CREB3L1: variants seen among roughly 807,000 people sequenced by gnomAD.
CREB3L1 encodes cyclic AMP-responsive element-binding protein 3-like protein 1.
In CREB3L1, 33 loss-of-function variants were observed where a neutral mutation model predicts 54.5. The observed-to-expected ratio is 0.61, with a 90% CI of 0.46 to 0.81. The LOEUF is 0.81. CREB3L1 is among the 30% of genes least tolerant of loss of function. The pLI, the probability that CREB3L1 is intolerant of heterozygous loss-of-function variation, is 0.00. For synonymous variants in CREB3L1, 284 were observed against 286.4 expected, an observed-to-expected ratio of 0.99 and a Z score of 0.08; for missense variants, 656 against 673.3, an observed-to-expected ratio of 0.97 and a Z score of 0.29.
intron 1 of CREB3L1, among the ~76,000 whole-genome samples, chr11:46,299,373 A>T (rs1298941854): frequency 2.0e-5 from 3 of 152,168 alleles, no homozygotes. Context: ...ACAGATGGAC[A>T]CTGTGCTGCT....
chr11:46,307,054 T>C (rs1353103142), intron 2 of CREB3L1, among the ~76,000 whole-genome samples: 1 of 152,126 alleles, frequency 6.6e-6, no homozygotes, highest in Non-Finnish European at 1.5e-5. Context: ...AATTTTTGTA[T>C]TTTTAGTAGA....
chr11:46,290,174 C>T (rs570884411), intron 1 of CREB3L1, among the ~76,000 whole-genome samples: 82 of 152,260 alleles, frequency 5.4e-4, no homozygotes, highest in East Asian at 5.8e-4. Flanking sequence ...AAGGCAACTC[C>T]GCCCTTGCAA....
chr11:46,316,231 G>A (rs1004036939), intron 8 of CREB3L1, 55 bp from the exon 9 acceptor site: 1 of 1,154,506 alleles, frequency 8.7e-7, no homozygotes, highest in Non-Finnish European at 1.3e-6. Flanking sequence ...AGCTCCAGGA[G>A]GCAGAGATGC....
At chr11:46,285,351 A>C (rs553906378) in intron 1 of CREB3L1, among the ~76,000 whole-genome samples, 2 of 152,112 alleles carry the variant, frequency 1.3e-5, no homozygotes, top group East Asian at 3.9e-4. Flanking sequence ...TTAAGTCAAG[A>C]CTGTGAGCTG....
intron 8 of CREB3L1, chr11:46,315,167 C>T (rs1175202140): frequency 6.2e-6 from 2 of 320,030 alleles, no homozygotes; most frequent in Admixed American, 3.7e-5. Context: ...TCCTTCTCCC[C>T]CAGCTTCTCC....
chr11:46,279,261 G>T (rs1253197880), intron 1 of CREB3L1, among the ~76,000 whole-genome samples: 1 of 152,036 alleles, frequency 6.6e-6, no homozygotes, highest in East Asian at 1.9e-4. Flanking sequence ...ACTTGGCCAG[G>T]CAAGAGTCAA....
chr11:46,310,125 C>T, intron 4 of CREB3L1, 58 bp downstream of exon 4: 2 of 1,298,560 alleles, frequency 1.5e-6, no homozygotes, highest in Admixed American at 4.0e-5. Context: ...GATAGCATCC[C>T]CACTTCCTTG....
rs1444425596 is a variant in CREB3L1 at position 46,312,981 on chromosome 11, T to C, written c.1031+62T>C. ...CCCCTCTGCAACCCGTGCCTGGCTC[T>C]GCATAGCTCTGGGAGACAGGGGAGA... is the stretch of plus-strand genomic sequence containing the variant. On this transcript the variant is annotated intron_variant, in intron 8 of 11. Transcript: ENST00000621158. The C allele has an allele frequency of 2.4e-6, 3 of 1,256,484 alleles. No individual in the cohort carries two copies. In the African/African-American group the frequency reaches 4.5e-5, roughly 19 times the overall value. The allele number at this position is 1,256,484 out of a possible 1,614,324, so 77.8% of individuals were successfully genotyped here.
intron 4 of CREB3L1, 51 bp downstream of exon 4, chr11:46,310,118 A>G: frequency 7.4e-7 from 1 of 1,346,588 alleles, no homozygotes; most frequent in Non-Finnish European, 1.0e-6. Context: ...ATAGGCAGAT[A>G]GCATCCCCAC....
At chr11:46,279,520 G>A (rs1164687337) in intron 1 of CREB3L1, among the ~76,000 whole-genome samples, 2 of 152,224 alleles carry the variant, frequency 1.3e-5, no homozygotes, top group African/African-American at 4.8e-5. Flanking sequence ...TGCATTGACT[G>A]CAGCGAGACT....
chr11:46,299,423 C>A (rs1939259909), intron 1 of CREB3L1, among the ~76,000 whole-genome samples: 1 of 152,226 alleles, frequency 6.6e-6, no homozygotes, highest in Admixed American at 6.5e-5. Flanking sequence ...TGCCCTGCAT[C>A]ACTCCCTTCC....
At chr11:46,280,790 T>A (rs914630161) in intron 1 of CREB3L1, among the ~76,000 whole-genome samples, 3 of 152,124 alleles carry the variant, frequency 2.0e-5, no homozygotes, top group Non-Finnish European at 4.4e-5. Flanking sequence ...TTCCCCCAAC[T>A]TCTTCATTCT....
rs562006016 is a variant in CREB3L1, at chr11:46,320,881, C to G, written c.*135C>G. The G allele has an allele frequency of 1.9e-5, 17 of 910,080 alleles. No homozygotes were observed. In the African/African-American group the frequency reaches 2.3e-4, roughly 12 times the overall value. 56.4% of individuals were successfully genotyped at this position (910,080 alleles called of 1,614,324 possible). The stretch of plus-strand genomic sequence containing the variant: ...CAGGAGAAAAGGCTCCACTTCCCAG[C>G]CCTTCCTTGCCCCTGACATTTGGAC... On this transcript the variant is annotated 3_prime_UTR_variant, in exon 12 of 12. Transcript: ENST00000621158.
chr11:46,320,715 T>C lies in CREB3L1; in HGVS notation c.1529T>C (p.Leu510Pro), dbSNP rs1939637753. 6.2e-7 allele frequency: 1 copy of C among 1,612,152 alleles called. No individual in the cohort carries two copies. The highest frequency in any genetic ancestry group is 2.2e-5 in the East Asian group (1 of 44,842). ...HSKEWFHDRD[L>P]GPNTTIKLS Reference sequence around the variant, plus strand: ...GGCCTCTCTTCTCTCTCCAGGGATCTGGGCCCCAACACCACCATCAAACTC... The same window carrying C: ...GGCCTCTCTTCTCTCTCCAGGGATCCGGGCCCCAACACCACCATCAAACTC... Residue 510 changes from leucine (L) to proline (P), a missense_variant, in exon 12 of 12, where the codon CTG becomes CCG. Transcript: ENST00000621158.
intron 1 of CREB3L1, among the ~76,000 whole-genome samples, chr11:46,282,748 T>C (rs2136334056): frequency 6.6e-6 from 1 of 152,330 alleles, no homozygotes; most frequent in South Asian, 2.1e-4. Flanking sequence ...TATTGTCTAT[T>C]TCCTCCACGA....
intron 3 of CREB3L1, 82 bp from the exon 4 acceptor site, chr11:46,309,907 G>A: frequency 8.5e-7 from 1 of 1,169,966 alleles, no homozygotes; most frequent in East Asian, 2.5e-5. Context: ...CAGGCAACCA[G>A]CTTTAGGGAG....
chr11:46,307,734 C>A, intron 2 of CREB3L1, 82 bp from the exon 3 acceptor site: 1 of 1,232,856 alleles, frequency 8.1e-7, no homozygotes, highest in Non-Finnish European at 1.1e-6. Context: ...CTCTTCAGTT[C>A]AGCCTAGGGT....
chr11:46,320,453 G>A lies in CREB3L1; in HGVS notation c.1448G>A (p.Ser483Asn). The change falls in exon 11 of 12, where the codon AGT becomes AAT. Residue 483 changes from serine (S) to asparagine (N), a missense_variant. Ser to Asn is a conservative substitution (Grantham distance 46, BLOSUM62 1). Transcript: ENST00000621158. Reference sequence around the variant, plus strand: ...ACCCACGAGACCACCAAGTACCTGAGTGAGGCCTGGCCTAAAGACGGTGGA... The same window carrying A: ...ACCCACGAGACCACCAAGTACCTGAATGAGGCCTGGCCTAAAGACGGTGGA... ...DSTHETTKYL[S>N]EAWPKDGGNG... 6.2e-7 allele frequency: 1 copy of A among 1,607,910 alleles called. No individual in the cohort carries two copies.
At position 46,277,754 on chromosome 11, in the gene CREB3L1, C is replaced by G. The variant is rs1938894386; in HGVS notation, c.-358C>G. 1 of 236,574 alleles carries G rather than the reference C, an allele frequency of 4.2e-6. No individual in the cohort carries two copies. The highest frequency in any genetic ancestry group is 2.2e-5 in the African/African-American group (1 of 44,786). The allele number at this position is 236,574 out of a possible 1,614,324, so 14.7% of individuals were successfully genotyped here. ...AGTCTCGGGGGAGCACTTAGCTCCCCCGCCCCGGCTCCCACCCTGTCCGGG... is the reference window on the plus strand; with the variant it reads ...AGTCTCGGGGGAGCACTTAGCTCCCGCGCCCCGGCTCCCACCCTGTCCGGG... On this transcript the variant is annotated 5_prime_UTR_variant, in exon 1 of 12. Coordinates refer to ENST00000621158, the MANE Select transcript of CREB3L1 (RefSeq NM_052854.4).
Sources: gnomAD v4.1 joint callset for allele counts (sites outside exome capture counted in the v4.1 genomes callset) on GRCh38, gnomAD v4.1.1 for gene constraint, MANE v1.5 for transcripts, NCBI Gene and HGNC (gene_info 2026-07-23, HGNC 2026-07-21) for gene names.